ROBO2: variants seen among roughly 807,000 people sequenced by gnomAD.
ROBO2 encodes roundabout guidance receptor 2.
A neutral mutation model predicts 160.8 loss-of-function variants in ROBO2; 53 were observed. The ratio of observed to expected loss-of-function variants is 0.33; its 90% CI spans 0.26 to 0.41. The LOEUF (loss-of-function observed/expected upper bound fraction) is 0.41, where lower values mean the gene tolerates loss of function less well. Among genes scored for constraint, ROBO2 ranks in the 10% least tolerant of loss-of-function variants. The probability of loss-of-function intolerance (pLI) is 1.00; values close to 1 mark genes in which losing one functional copy is unlikely to be tolerated. For missense variants in ROBO2, 1,577 were observed against 1,722.4 expected (o/e 0.92, Z 1.49); for synonymous variants, 664 against 611.7 (o/e 1.09, Z -1.26).
chr3:76,021,622 TA>T (rs2066576526), intron 2 of ROBO2, among the ~76,000 whole-genome samples: 1 of 151,862 alleles, frequency 6.6e-6, no homozygotes, highest in Non-Finnish European at 1.5e-5. Flanking sequence ...TTCCAATGCA[TA>T]AAAAAGTTCA....
chr3:77,412,980 C>T (rs1005118987), intron 2 of ROBO2, among the ~76,000 whole-genome samples: 1 of 152,018 alleles, frequency 6.6e-6, no homozygotes, highest in Non-Finnish European at 1.5e-5. Context: ...GCTTTGGGAG[C>T]CTGAGGCAGG....
chr3:76,669,081 A>G (rs907073589), intron 2 of ROBO2, among the ~76,000 whole-genome samples: 1 of 152,078 alleles, frequency 6.6e-6, no homozygotes, highest in Non-Finnish European at 1.5e-5. Flanking sequence ...CCAGATCATG[A>G]TGTTTAAACA....
intron 2 of ROBO2, among the ~76,000 whole-genome samples, chr3:76,205,448 CAAGGGAA>C (rs1702755292): frequency 6.6e-6 from 1 of 152,094 alleles, no homozygotes; most frequent in African/African-American, 2.4e-5. Flanking sequence ...TCGTGAAAGG[CAAGGGAA>C]GAACCTTCTA....
chr3:76,767,752 A>C (rs1366518359), intron 2 of ROBO2, among the ~76,000 whole-genome samples: 1 of 151,532 alleles, frequency 6.6e-6, no homozygotes, highest in African/African-American at 2.4e-5. Context: ...TAGTGAGTAC[A>C]GGAGAAACAC....
chr3:76,616,183 T>C (rs1052508185), intron 2 of ROBO2, among the ~76,000 whole-genome samples: 1 of 152,258 alleles, frequency 6.6e-6, no homozygotes, highest in Non-Finnish European at 1.5e-5. Flanking sequence ...TACTCTAATG[T>C]ATTTTTTAAA....
intron 2 of ROBO2, among the ~76,000 whole-genome samples, chr3:76,964,546 T>C (rs201046121): frequency 1.3e-5 from 2 of 152,174 alleles, no homozygotes; most frequent in African/African-American, 4.8e-5. Flanking sequence ...GGTTTTACCA[T>C]GTTGGCCAGG....
chr3:76,458,312 G>C lies in ROBO2; in HGVS notation c.109+520710G>C, dbSNP rs138147297. On this transcript the variant is annotated intron_variant, in intron 2 of 26. Transcript: ENST00000487694. ...AAGTTCCAAGTCCCACAATCTGTAG[G>C]GCACGGGCAAAATGCTGCCAGTCTC... Among the ~76,000 whole-genome samples the C allele has an allele frequency of 5.0e-3, 766 of 152,132 alleles. 17 individuals are homozygous for C. Among genetic ancestry groups the C allele is most frequent in the Admixed American group, 0.034 (520 of 15,256 alleles).
chr3:77,521,089 C>T (rs1158861831), intron 5 of ROBO2, among the ~76,000 whole-genome samples: 1 of 151,220 alleles, frequency 6.6e-6, no homozygotes, highest in Non-Finnish European at 1.5e-5. Context: ...ATGTATCGTG[C>T]TTTTTGTGTG....
chr3:77,204,854 C>A (rs1182465638), intron 2 of ROBO2, among the ~76,000 whole-genome samples: 1 of 152,186 alleles, frequency 6.6e-6, no homozygotes, highest in African/African-American at 2.4e-5. Context: ...AGGAATGGGT[C>A]AAGATTCGTA....
chr3:77,602,407 C>T (rs1039224640), exon 20 of ROBO2: 1 of 1,614,108 alleles, frequency 6.2e-7, no homozygotes, highest in African/African-American at 1.3e-5. Context: ...TCTGCCTGAT[C>T]CACAATGGAA....
intron 2 of ROBO2, among the ~76,000 whole-genome samples, chr3:76,859,249 A>G (rs1422106537): frequency 6.6e-6 from 1 of 152,238 alleles, no homozygotes; most frequent in Non-Finnish European, 1.5e-5. Context: ...CAAGAGAGGC[A>G]TAGTCAATTT....
At chr3:76,185,456 C>A (rs141486051) in intron 2 of ROBO2, among the ~76,000 whole-genome samples, 1 of 151,670 alleles carries the variant, frequency 6.6e-6, no homozygotes, top group African/African-American at 2.4e-5. Flanking sequence ...TATTTGGGAG[C>A]ATTTTGCAAT....
chr3:76,567,801 A>G (rs12491381), intron 2 of ROBO2, among the ~76,000 whole-genome samples: 12 of 72,984 alleles, frequency 1.6e-4, no homozygotes, highest in African/African-American at 5.2e-4. Flanking sequence ...GTGTGTGTAT[A>G]TATATATTTT....
intron 2 of ROBO2, among the ~76,000 whole-genome samples, chr3:76,137,730 C>T (rs546864173): frequency 4.6e-5 from 7 of 151,922 alleles, no homozygotes; most frequent in African/African-American, 1.4e-4. Context: ...TTCCAAGAGG[C>T]TGCCTCACTC....
intron 2 of ROBO2, among the ~76,000 whole-genome samples, chr3:76,460,773 C>T (rs1258016144): frequency 6.6e-6 from 1 of 152,104 alleles, no homozygotes; most frequent in Non-Finnish European, 1.5e-5. Flanking sequence ...CTGACCTGCG[C>T]AATATGTGAG....
intron 2 of ROBO2, among the ~76,000 whole-genome samples, chr3:77,234,914 A>G (rs1242768262): frequency 6.6e-6 from 1 of 152,120 alleles, no homozygotes; most frequent in Non-Finnish European, 1.5e-5. Flanking sequence ...AAGGGAAGCA[A>G]TGGCGTTACT....
intron 2 of ROBO2, among the ~76,000 whole-genome samples, chr3:77,206,796 A>T (rs561489708): frequency 1.3e-5 from 2 of 152,292 alleles, no homozygotes; most frequent in South Asian, 2.1e-4. Context: ...ATTCTAAATA[A>T]CGTTGCAATA....
chr3:76,642,598 C>T (rs1036401807), intron 2 of ROBO2, among the ~76,000 whole-genome samples: 5 of 151,842 alleles, frequency 3.3e-5, no homozygotes, highest in South Asian at 4.2e-4. Context: ...GTGATCTGCC[C>T]GCCTCGGCCT....
At chr3:76,272,417 C>T (rs1033438808) in intron 2 of ROBO2, among the ~76,000 whole-genome samples, 1 of 151,792 alleles carries the variant, frequency 6.6e-6, no homozygotes, top group Non-Finnish European at 1.5e-5. Flanking sequence ...GTAATTCCAG[C>T]ACTTTGGGAG....
Sources: gnomAD v4.1 joint callset for allele counts (sites outside exome capture counted in the v4.1 genomes callset) on GRCh38, gnomAD v4.1.1 for gene constraint, MANE v1.5 for transcripts, NCBI Gene and HGNC (gene_info 2026-07-23, HGNC 2026-07-21) for gene names.